The following DLGAP1 variants were observed in gnomAD, a reference collection of about 807,000 sequenced individuals.
DLGAP1 encodes DLG associated protein 1.
A neutral mutation model predicts 90.8 loss-of-function variants in DLGAP1; 11 were observed. The ratio of observed to expected loss-of-function variants is 0.12; its 90% confidence interval spans 0.08 to 0.20. The LOEUF (loss-of-function observed/expected upper bound fraction) is 0.20, where lower values mean the gene tolerates loss of function less well. Ranked by LOEUF, DLGAP1 falls within the 10% of genes least tolerant of loss-of-function variation. The pLI is 1.00. For missense variants in DLGAP1, 1,050 were observed against 1,333.8 expected (o/e 0.79, Z 3.31); for synonymous variants, 558 against 540.7 (o/e 1.03, Z -0.44).
chr18:4,059,540 T>C (rs1327389255), intron 2 of DLGAP1, among the ~76,000 whole-genome samples: 7 of 152,114 alleles, frequency 4.6e-5, no homozygotes, highest in Middle Eastern at 3.2e-3. Flanking sequence ...GGAGAAACCC[T>C]GTCTCTACTA....
chr18:4,421,395 C>G (rs901624090), intron 1 of DLGAP1, among the ~76,000 whole-genome samples: 4 of 152,086 alleles, frequency 2.6e-5, no homozygotes, highest in African/African-American at 7.2e-5. Flanking sequence ...CAGTGTAAAC[C>G]TCTTTTCAAG....
At chr18:4,195,537 A>G (rs564159597) in intron 1 of DLGAP1, among the ~76,000 whole-genome samples, 1 of 152,190 alleles carries the variant, frequency 6.6e-6, no homozygotes, top group Non-Finnish European at 1.5e-5. Context: ...TTTTTCACAG[A>G]TGACTACTTT....
rs544921537 is a variant in DLGAP1, at chr18:3,628,101, C to G, written c.1592-45853G>C. On this transcript the variant is annotated intron_variant, in intron 7 of 12. Coordinates refer to ENST00000315677, the MANE Select transcript of DLGAP1 (RefSeq NM_004746.4). ...ATGTTGGCCAGGCTGGTCTCGATCT[C>G]CTGACCTCAAGTGGTCCACCCGCCT... Among the ~76,000 whole-genome samples, 6 of 151,986 alleles carry G rather than the reference C, an allele frequency of 3.9e-5. No individual in the cohort carries two copies. In the South Asian group the frequency reaches 1.0e-3, roughly 26 times the overall value.
At chr18:3,525,791 G>A (rs1456773205) in intron 10 of DLGAP1, among the ~76,000 whole-genome samples, 3 of 152,170 alleles carry the variant, frequency 2.0e-5, no homozygotes, top group African/African-American at 7.2e-5. Context: ...TGCCATCTCT[G>A]GAATGACAGA....
chr18:4,402,082 A>G (rs1328805393), intron 1 of DLGAP1, among the ~76,000 whole-genome samples: 2 of 152,206 alleles, frequency 1.3e-5, no homozygotes, highest in African/African-American at 2.4e-5. Flanking sequence ...CACTTACACA[A>G]TCCAATAGCA....
intron 8 of DLGAP1, chr18:3,571,203 T>G (rs2054762341): frequency 6.6e-6 from 1 of 151,950 alleles, no homozygotes; most frequent in Non-Finnish European, 1.5e-5. Context: ...TATATTTTAT[T>G]TATTTATTTG....
At position 3,643,245 on chromosome 18, in the gene DLGAP1, AAAG is replaced by A. The variant is rs200078795; in HGVS notation, c.1592-61000_1592-60998del. Among the ~76,000 whole-genome samples, 236 of 151,944 alleles carry A rather than the reference AAAG, an allele frequency of 1.6e-3. 3 individuals carry two copies. The highest frequency in any genetic ancestry group is 2.6e-3 in the Non-Finnish European group (177 of 68,018). ...GAGGACAGATGAAAGAAAAAGAAAGAAAGAAGAAAGAAGAAAGGAAAGAAAGAA... is the reference window on the plus strand; with the variant it reads ...GAGGACAGATGAAAGAAAAAGAAAGAAAGAAAGAAGAAAGGAAAGAAAGAA... On this transcript the variant is annotated intron_variant, in intron 7 of 12. Coordinates refer to ENST00000315677, the MANE Select transcript of DLGAP1 (RefSeq NM_004746.4).
chr18:3,944,141 G>T (rs573122253), intron 3 of DLGAP1, among the ~76,000 whole-genome samples: 1 of 152,170 alleles, frequency 6.6e-6, no homozygotes, highest in Non-Finnish European at 1.5e-5. Flanking sequence ...GTGTAGTGAC[G>T]AGATGAGATT....
chr18:3,650,170 G>A (rs1411705649), intron 7 of DLGAP1, among the ~76,000 whole-genome samples: 2 of 152,134 alleles, frequency 1.3e-5, no homozygotes, highest in African/African-American at 4.8e-5. Context: ...ATCCTCCTGA[G>A]TAGCTGGGAC....
At chr18:3,813,615 T>G (rs2066948385) in intron 5 of DLGAP1, among the ~76,000 whole-genome samples, 1 of 152,190 alleles carries the variant, frequency 6.6e-6, no homozygotes, top group African/African-American at 2.4e-5. Context: ...CTCTATAAGC[T>G]TCTCTAAGAC....
intron 4 of DLGAP1, among the ~76,000 whole-genome samples, chr18:3,846,082 C>G (rs1303145619): frequency 1.1e-5 from 1 of 94,054 alleles, no homozygotes; most frequent in Non-Finnish European, 2.2e-5. Flanking sequence ...GTGTGTGTGT[C>G]TCATTTCGGG....
intron 3 of DLGAP1, among the ~76,000 whole-genome samples, chr18:3,933,821 C>A (rs1014262759): frequency 2.6e-5 from 4 of 152,152 alleles, no homozygotes; most frequent in Admixed American, 2.0e-4. Flanking sequence ...GAGTCTGATA[C>A]AATGTTTTCC....
intron 10 of DLGAP1, among the ~76,000 whole-genome samples, chr18:3,509,186 G>A (rs1598984432): frequency 1.3e-5 from 2 of 152,008 alleles, no homozygotes; most frequent in East Asian, 1.9e-4. Flanking sequence ...TTATTTTTCC[G>A]GAGCTCAGCC....
At chr18:4,338,880 T>A (rs567369596) in intron 1 of DLGAP1, among the ~76,000 whole-genome samples, 1 of 152,322 alleles carries the variant, frequency 6.6e-6, no homozygotes. Flanking sequence ...TGGCCTATTA[T>A]TATAGCGGAC....
At chr18:4,279,905 T>A (rs1034615482) in intron 1 of DLGAP1, among the ~76,000 whole-genome samples, 2 of 152,216 alleles carry the variant, frequency 1.3e-5, no homozygotes, top group African/African-American at 2.4e-5. Context: ...AGTATACTCA[T>A]GGCTGTTTTT....
intron 1 of DLGAP1, among the ~76,000 whole-genome samples, chr18:4,435,910 G>T (rs2083388730): frequency 6.6e-6 from 1 of 152,192 alleles, no homozygotes; most frequent in Admixed American, 6.5e-5. Flanking sequence ...GCTGAGGCGG[G>T]CTTAGGGACT....
intron 2 of DLGAP1, among the ~76,000 whole-genome samples, chr18:4,091,361 C>G (rs2075771044): frequency 6.6e-6 from 1 of 152,060 alleles, no homozygotes; most frequent in Admixed American, 6.5e-5. Flanking sequence ...ATTTCTTTTT[C>G]TATTTATATT....
intron 3 of DLGAP1, among the ~76,000 whole-genome samples, chr18:3,939,471 C>T (rs866899236): frequency 3.8e-5 from 4 of 106,424 alleles, no homozygotes; most frequent in African/African-American, 1.3e-4. Context: ...AACAAACAAA[C>T]AAAAAACCCC....
chr18:4,056,151 C>A (rs1485105255), intron 2 of DLGAP1, among the ~76,000 whole-genome samples: 1 of 152,060 alleles, frequency 6.6e-6, no homozygotes, highest in African/African-American at 2.4e-5. Context: ...GGGAAGGGGG[C>A]AGGAGAAGGC....
Sources: allele counts gnomAD v4.1 joint callset (sites outside exome capture counted in the v4.1 genomes callset), GRCh38; gene constraint gnomAD v4.1.1; transcripts MANE v1.5; gene names NCBI Gene and HGNC (gene_info 2026-07-23, HGNC 2026-07-21).